MYPN: variants seen among roughly 807,000 people sequenced by gnomAD.
MYPN encodes the protein myopalladin.
Under a neutral mutation model 129.4 loss-of-function variants are expected in MYPN, and 63 were observed. That is an observed-to-expected ratio of 0.49 (90% CI 0.40 to 0.60). The LOEUF (loss-of-function observed/expected upper bound fraction) is 0.60, where lower values mean the gene tolerates loss of function less well. Ranked by LOEUF, MYPN falls within the 20% of genes least tolerant of loss-of-function variation. MYPN has a pLI of 0.00. For synonymous variants in MYPN, 629 were observed against 600.9 expected, an observed-to-expected ratio of 1.05 and a Z score of -0.68; for missense variants, 1,596 against 1,635.4, an observed-to-expected ratio of 0.98 and a Z score of 0.42.
chr10:68,133,471 AG>A (rs2042441263), intron 2 of MYPN, among the ~76,000 whole-genome samples: 1 of 152,124 alleles, frequency 6.6e-6, no homozygotes, highest in Non-Finnish European at 1.5e-5. Flanking sequence ...AATTGGGTAC[AG>A]GGCTTTGGAA....
At chr10:68,122,397 T>C in intron 2 of MYPN, 57 bp downstream of exon 2, 2 of 1,564,872 alleles carry the variant, frequency 1.3e-6, no homozygotes, top group Non-Finnish European at 1.8e-6. Flanking sequence ...ACCATGACCC[T>C]CCCAAGTATT....
rs10823146 is a variant in MYPN, at chr10:68,165,366, C to T, written c.1484-336C>T. 190,172 of 423,440 alleles carry T rather than the reference C, an allele frequency of 0.45. 46,096 individuals are homozygous for T. The highest frequency in any genetic ancestry group is 0.53 in the Non-Finnish European group (113,307 of 215,100). The allele number at this position is 423,440 out of a possible 1,614,324, so 26.2% of individuals were successfully genotyped here. A position where few individuals can be genotyped will look rare whatever the true frequency, so the allele number is the denominator to read the frequency against. ...ACTCGGGAGGCTGAGGTAGGAGAAT[C>T]GCTTGAACCTGGGAGGCGGAGGTTG... is the stretch of plus-strand genomic sequence containing the variant. On this transcript the variant is annotated intron_variant, in intron 8 of 19. Transcript: ENST00000358913.
chr10:68,171,002 A>G (rs1268796912), intron 10 of MYPN, among the ~76,000 whole-genome samples: 1 of 151,958 alleles, frequency 6.6e-6, no homozygotes, highest in African/African-American at 2.4e-5. Flanking sequence ...TACAAAAATT[A>G]GCCAGGCATG....
At chr10:68,190,014 C>G (rs184593550) in intron 13 of MYPN, among the ~76,000 whole-genome samples, 2 of 151,156 alleles carry the variant, frequency 1.3e-5, no homozygotes, top group Non-Finnish European at 3.0e-5. Context: ...TCCCCTTTCT[C>G]CGCATCCTCA....
At chr10:68,164,422 T>C in intron 8 of MYPN, among the ~76,000 whole-genome samples, 1 of 152,202 alleles carries the variant, frequency 6.6e-6, no homozygotes, top group East Asian at 1.9e-4. Context: ...ATCCCAGCAC[T>C]GAAGCATTGG....
At chr10:68,150,576 T>C (rs1224360155) in intron 6 of MYPN, among the ~76,000 whole-genome samples, 1 of 152,172 alleles carries the variant, frequency 6.6e-6, no homozygotes, top group Non-Finnish European at 1.5e-5. Context: ...ACTGTTGAGG[T>C]GGCATCAAAT....
intron 7 of MYPN, among the ~76,000 whole-genome samples, chr10:68,159,584 C>T (rs771846488): frequency 6.6e-6 from 1 of 152,158 alleles, no homozygotes; most frequent in Non-Finnish European, 1.5e-5. Flanking sequence ...TCGCACAATG[C>T]TTTCACCTTG....
chr10:68,196,825 C>T (rs58594667), intron 15 of MYPN, among the ~76,000 whole-genome samples: 4,676 of 152,054 alleles, frequency 0.031, 256 homozygotes, highest in African/African-American at 0.11. Flanking sequence ...TCCTCCTCCT[C>T]CTTTTTTAAG....
chr10:68,157,274 A>C (rs1395104324), intron 6 of MYPN, among the ~76,000 whole-genome samples: 2 of 152,228 alleles, frequency 1.3e-5, no homozygotes, highest in Non-Finnish European at 2.9e-5. Context: ...TCAACAGATT[A>C]GTGAGCCTAT....
chr10:68,177,530 G>T (rs1353146757), intron 12 of MYPN, among the ~76,000 whole-genome samples: 1 of 152,170 alleles, frequency 6.6e-6, no homozygotes, highest in African/African-American at 2.4e-5. Context: ...GAAATAAAAT[G>T]ATGATCATAT....
intron 2 of MYPN, among the ~76,000 whole-genome samples, chr10:68,123,938 G>C (rs1338638759): frequency 2.0e-5 from 3 of 152,082 alleles, no homozygotes; most frequent in Admixed American, 1.3e-4. Context: ...TGAGGCTAAA[G>C]TCAATTTAAA....
At chr10:68,145,333 T>C (rs1032374947) in intron 3 of MYPN, 142 bp from the exon 4 acceptor site, 4 of 700,282 alleles carry the variant, frequency 5.7e-6, no homozygotes, top group African/African-American at 1.8e-5. Context: ...GTTACTGAGT[T>C]CATTTCTAAG....
intron 1 of MYPN, among the ~76,000 whole-genome samples, chr10:68,114,629 A>G (rs1458538717): frequency 1.3e-5 from 2 of 152,098 alleles, no homozygotes; most frequent in East Asian, 3.9e-4. Context: ...GATTACAGGC[A>G]TGAGCCACTG....
chr10:68,198,649 T>C (rs763158922), intron 16 of MYPN, among the ~76,000 whole-genome samples: 12 of 152,204 alleles, frequency 7.9e-5, no homozygotes, highest in African/African-American at 2.7e-4. Context: ...TTCTCACTTA[T>C]GGTAAATGGG....
At chr10:68,127,469 G>T (rs1245320890) in intron 2 of MYPN, among the ~76,000 whole-genome samples, 3 of 151,366 alleles carry the variant, frequency 2.0e-5, no homozygotes, top group Non-Finnish European at 2.9e-5. Context: ...TGAGTAGCTG[G>T]GATTACAGGC....
rs1019865897 is a variant in MYPN at position 68,211,914 on chromosome 10, T to C, written c.*1459T>C. The C allele has an allele frequency of 9.5e-5, 41 of 432,388 alleles. No individual in the cohort carries two copies. In the Admixed American group the frequency reaches 9.9e-4, roughly 10 times the overall value. 26.8% of individuals were successfully genotyped at this position (432,388 alleles called of 1,614,324 possible). A position where few individuals can be genotyped will look rare whatever the true frequency, so the allele number is the denominator to read the frequency against. On this transcript the variant is annotated 3_prime_UTR_variant, in exon 20 of 20. Transcript: ENST00000358913. Reference sequence around the variant, plus strand: ...CTGTGCCAAGCACACTCAGCTGGCATTGTATTTGTGTGAACAGACAGTAAC... The same window carrying C: ...CTGTGCCAAGCACACTCAGCTGGCACTGTATTTGTGTGAACAGACAGTAAC...
intron 7 of MYPN, among the ~76,000 whole-genome samples, chr10:68,161,272 G>A (rs755135478): frequency 1.3e-5 from 2 of 152,154 alleles, no homozygotes; most frequent in Non-Finnish European, 2.9e-5. Flanking sequence ...AAGGCGGGCA[G>A]ATTACCTGAG....
At chr10:68,206,664 G>C (rs1589619121) in intron 18 of MYPN, 106 bp from the exon 19 acceptor site, 3 of 1,477,716 alleles carry the variant, frequency 2.0e-6, no homozygotes, top group East Asian at 4.5e-5. Flanking sequence ...AATTTGTCTT[G>C]ATGTCTGCCT....
chr10:68,206,501 G>GTGAAA (rs1428437700), intron 18 of MYPN, among the ~76,000 whole-genome samples: 4 of 152,126 alleles, frequency 2.6e-5, no homozygotes, highest in African/African-American at 9.7e-5. Context: ...TCTGAACTTT[G>GTGAAA]GTTGTGAAAA....
Sources: allele counts gnomAD v4.1 joint callset (sites outside exome capture counted in the v4.1 genomes callset), GRCh38; gene constraint gnomAD v4.1.1; transcripts MANE v1.5; gene names NCBI Gene and HGNC (gene_info 2026-07-23, HGNC 2026-07-21).